The following CT47C1 variants were observed in gnomAD, a reference collection of about 807,000 sequenced individuals.
CT47C1 encodes the protein cancer/testis antigen family 47 member A11 pseudogene.
At chrX:119,075,731 C>CTTTTTTTTT in the CT47C1 span, among the ~76,000 whole-genome samples, 2 of 87,125 alleles carry the variant, frequency 2.3e-5, no homozygotes, top group Non-Finnish European at 2.4e-5. Context: ...TTTCTTTTTT[C>CTTTTTTTTT]TTTTTTTTTT....
At chrX:119,074,048 C>G in the CT47C1 span, 1 of 539,759 alleles carries the variant, frequency 1.9e-6, no homozygotes, top group Non-Finnish European at 3.1e-6. Context: ...CGCAGAGGAA[C>G]CGGCCACAGA....
chrX:119,073,960 G>A, the CT47C1 span: 1 of 765,546 alleles, frequency 1.3e-6, no homozygotes, highest in East Asian at 3.2e-5. Context: ...AGCCCACAGA[G>A]GAGGCCGCAG....
the CT47C1 span, chrX:119,073,715 A>G: frequency 1.4e-5 from 10 of 720,731 alleles, no homozygotes; most frequent in South Asian, 1.6e-4. Flanking sequence ...TGCGGCGCCC[A>G]GTGGCTCAGA....
chrX:119,073,909 A>G, the CT47C1 span: 1 of 832,929 alleles, frequency 1.2e-6, no homozygotes, highest in Admixed American at 2.3e-5. Context: ...AGAAGCCCAC[A>G]GAGGAGGCCG....
the CT47C1 span, chrX:119,073,646 C>A: frequency 1.7e-6 from 1 of 576,079 alleles, no homozygotes. Context: ...CCGCATCTAT[C>A]ACAACGACCA....
chrX:119,073,348 C>G, the CT47C1 span: 1 of 530,478 alleles, frequency 1.9e-6, no homozygotes, highest in East Asian at 3.3e-5. Flanking sequence ...CCGACAGTGG[C>G]AACACTGTGG....
the CT47C1 span, chrX:119,073,540 C>T: frequency 2.7e-5 from 14 of 518,553 alleles, no homozygotes; most frequent in East Asian, 2.8e-4. Flanking sequence ...AAGAGAGGAA[C>T]GAGGCGGACA....
chrX:119,075,647 A>T, the CT47C1 span, among the ~76,000 whole-genome samples: 2 of 112,383 alleles, frequency 1.8e-5, no homozygotes, highest in Non-Finnish European at 3.8e-5. Flanking sequence ...ATTTTATGTG[A>T]CAAATGAAAA....
the CT47C1 span, chrX:119,073,787 G>C: frequency 1.2e-6 from 1 of 852,921 alleles, no homozygotes; most frequent in East Asian, 3.3e-5. Context: ...TCCTGAGGGC[G>C]AGGGCCTGGG....
chrX:119,073,911 A>G, the CT47C1 span: 1 of 828,704 alleles, frequency 1.2e-6, no homozygotes, highest in South Asian at 2.0e-5. Context: ...AAGCCCACAG[A>G]GGAGGCCGCA....
the CT47C1 span, chrX:119,073,602 T>C: frequency 2.6e-5 from 14 of 544,915 alleles, no homozygotes; most frequent in South Asian, 1.5e-4. Context: ...GGCTTTCGCA[T>C]GGAGTTTCTG....
the CT47C1 span, chrX:119,073,108 A>T: frequency 5.2e-6 from 2 of 384,000 alleles, no homozygotes; most frequent in South Asian, 6.4e-5. Context: ...ACAGACTCTT[A>T]TTCTCTCAGC....
At chrX:119,073,627 C>T in the CT47C1 span, 1 of 562,480 alleles carries the variant, frequency 1.8e-6, no homozygotes, top group Non-Finnish European at 3.1e-6. Context: ...TGGTCCACTC[C>T]CTTCTCCTCC....
chrX:119,076,363 T>C, the CT47C1 span: 59 of 112,826 alleles, frequency 5.2e-4, no homozygotes, highest in African/African-American at 1.8e-3. Flanking sequence ...TAAAAGTTTG[T>C]TTTAAATGAA....
the CT47C1 span, chrX:119,073,773 C>T: frequency 1.4e-5 from 12 of 828,436 alleles, no homozygotes; most frequent in Non-Finnish European, 1.2e-5. Context: ...GTGGGGGCCG[C>T]GGGTCCTGAG....
the CT47C1 span, chrX:119,073,931 G>T: frequency 1.2e-6 from 1 of 806,993 alleles, no homozygotes; most frequent in South Asian, 2.1e-5. Flanking sequence ...AGAAGAGCCC[G>T]CAGAGGAGGC....
the CT47C1 span, among the ~76,000 whole-genome samples, chrX:119,076,694 A>G: frequency 1.4e-3 from 153 of 112,455 alleles, no homozygotes; most frequent in African/African-American, 4.4e-3. Context: ...ATAATATTGC[A>G]TATCTTACTA....
the CT47C1 span, chrX:119,073,135 T>G: frequency 2.4e-6 from 1 of 417,623 alleles, no homozygotes; most frequent in African/African-American, 2.5e-5. Context: ...GCCCCTCACC[T>G]CCCCTCAGCC....
At chrX:119,073,367 G>C in the CT47C1 span, 1,241 of 534,532 alleles carry the variant, frequency 2.3e-3, 12 homozygotes, top group African/African-American at 0.023. Context: ...GGCCGGAGTC[G>C]CAGGGCCCAT....
Sources: allele counts gnomAD v4.1 joint callset (sites outside exome capture counted in the v4.1 genomes callset), GRCh38; gene constraint gnomAD v4.1.1; transcripts MANE v1.5; gene names NCBI Gene and HGNC (gene_info 2026-07-23, HGNC 2026-07-21).